The following NCALD variants were observed in gnomAD, a reference collection of about 807,000 sequenced individuals.
NCALD encodes the protein neurocalcin-delta.
Under a neutral mutation model 18.6 loss-of-function variants are expected in NCALD, and 10 were observed. The observed-to-expected ratio is 0.54, with a 90% CI of 0.33 to 0.91. The LOEUF is 0.91. Ranked by LOEUF, NCALD falls within the 40% of genes least tolerant of loss-of-function variation. The pLI is 0.03. For missense variants in NCALD, 184 were observed against 247.6 expected, an observed-to-expected ratio of 0.74 and a Z score of 1.72; for synonymous variants, 88 against 87.4, an observed-to-expected ratio of 1.01 and a Z score of -0.04.
chr8:102,015,504 C>T (rs963509023), intron 2 of NCALD, among the ~76,000 whole-genome samples: 7 of 152,104 alleles, frequency 4.6e-5, no homozygotes, highest in African/African-American at 1.7e-4. Context: ...GTATTTACAA[C>T]CAAAATTTTC....
chr8:102,006,064 G>A (rs1821699833), intron 2 of NCALD, among the ~76,000 whole-genome samples: 1 of 151,020 alleles, frequency 6.6e-6, no homozygotes, highest in Admixed American at 6.6e-5. Flanking sequence ...TAACAAAATG[G>A]AAAAAAAAGC....
chr8:102,062,527 C>T (rs116232387), intron 1 of NCALD, among the ~76,000 whole-genome samples: 1 of 152,192 alleles, frequency 6.6e-6, no homozygotes, highest in Non-Finnish European at 1.5e-5. Context: ...TGCTCACATG[C>T]TCCAGGGTGC....
intron 2 of NCALD, among the ~76,000 whole-genome samples, chr8:101,992,388 A>G (rs1563518122): frequency 6.6e-6 from 1 of 152,234 alleles, no homozygotes. Flanking sequence ...AAAAATATAA[A>G]TGCTTCTAAG....
At chr8:101,924,747 C>T (rs1818279905) in intron 2 of NCALD, among the ~76,000 whole-genome samples, 1 of 152,174 alleles carries the variant, frequency 6.6e-6, no homozygotes, top group South Asian at 2.1e-4. Flanking sequence ...GCATGCAATC[C>T]ACACTGCTCC....
intron 2 of NCALD, among the ~76,000 whole-genome samples, chr8:101,991,446 T>C (rs1586883957): frequency 6.6e-6 from 1 of 152,204 alleles, no homozygotes; most frequent in East Asian, 1.9e-4. Context: ...TGAAAAACTT[T>C]CTTATTTTGG....
intron 4 of NCALD, among the ~76,000 whole-genome samples, chr8:101,863,993 A>T (rs1460732567): frequency 1.3e-5 from 2 of 152,132 alleles, no homozygotes; most frequent in East Asian, 3.8e-4. Flanking sequence ...GATTTTTTAA[A>T]TCTCCCCATG....
intron 3 of NCALD, among the ~76,000 whole-genome samples, chr8:101,902,286 TTTTTTA>T (rs748208868): frequency 0.13 from 10,507 of 82,832 alleles, 849 homozygotes; most frequent in African/African-American, 0.44. Context: ...TTTTTTTTTT[TTTTTTA>T]ACTTCATTTT....
At chr8:102,093,167 A>C (rs913776610) in intron 1 of NCALD, among the ~76,000 whole-genome samples, 7 of 152,098 alleles carry the variant, frequency 4.6e-5, no homozygotes, top group African/African-American at 1.4e-4. Context: ...TCCAAACAAA[A>C]AAAAAAAAGT....
chr8:101,896,701 T>C (rs1401818684), intron 3 of NCALD, among the ~76,000 whole-genome samples: 6,613 of 142,000 alleles, frequency 0.047, 335 homozygotes, highest in African/African-American at 0.14. Context: ...AAAAAGTGGG[T>C]GAAGGACATG....
At position 102,062,745 on chromosome 8, in the gene NCALD, A is replaced by T. The variant is rs374575568; in HGVS notation, c.-209-42456T>A. 1.1e-4 allele frequency among the ~76,000 whole-genome samples: 16 copies of T among 152,330 alleles called. 1 individual carries two copies. In the East Asian group the frequency reaches 2.9e-3, roughly 28 times the overall value. On this transcript the variant is annotated intron_variant, in intron 1 of 6. Coordinates refer to the NCALD transcript ENST00000311028. ...TCTTTGAACCAACAGCATTTGAAAC[A>T]TGATCTTCTCCTAGAGAAAGAGAGG...
chr8:101,764,228 A>G (rs377289372), intron 1 of NCALD, among the ~76,000 whole-genome samples: 9 of 152,176 alleles, frequency 5.9e-5, no homozygotes, highest in African/African-American at 1.9e-4. Flanking sequence ...CAGTATTGAT[A>G]GGAAAGAGGA....
At chr8:101,751,417 G>A (rs1267432182) in intron 1 of NCALD, among the ~76,000 whole-genome samples, 2 of 152,082 alleles carry the variant, frequency 1.3e-5, no homozygotes, top group African/African-American at 4.8e-5. Context: ...AAAAAGTTCT[G>A]GAAATGGGTA....
chr8:102,048,234 C>T (rs1823316716), intron 1 of NCALD, among the ~76,000 whole-genome samples: 1 of 152,200 alleles, frequency 6.6e-6, no homozygotes, highest in Non-Finnish European at 1.5e-5. Flanking sequence ...TACGGGATTG[C>T]TCAAGTAATT....
At chr8:101,870,353 G>A (rs979747761) in intron 4 of NCALD, among the ~76,000 whole-genome samples, 2 of 152,156 alleles carry the variant, frequency 1.3e-5, no homozygotes, top group Admixed American at 6.5e-5. Context: ...TATCTTAGGG[G>A]ATTCTGTTAA....
At chr8:101,709,010 C>A (rs1315612733) in intron 2 of NCALD, among the ~76,000 whole-genome samples, 1 of 152,150 alleles carries the variant, frequency 6.6e-6, no homozygotes, top group Non-Finnish European at 1.5e-5. Context: ...AGGTTCTTGG[C>A]ATCTTAAACA....
chr8:102,027,697 A>C (rs1011728880), intron 1 of NCALD, among the ~76,000 whole-genome samples: 5 of 152,140 alleles, frequency 3.3e-5, no homozygotes, highest in Non-Finnish European at 2.9e-5. Flanking sequence ...GTTGATTCTC[A>C]TGGTGCTGTA....
intron 4 of NCALD, among the ~76,000 whole-genome samples, chr8:101,799,879 T>C (rs1812777165): frequency 1.3e-5 from 2 of 152,198 alleles, no homozygotes; most frequent in Admixed American, 1.3e-4. Context: ...ATCCTGATTG[T>C]AATTTTGCAC....
chr8:101,839,758 T>C (rs916079343), intron 4 of NCALD, among the ~76,000 whole-genome samples: 1 of 152,098 alleles, frequency 6.6e-6, no homozygotes, highest in Admixed American at 6.6e-5. Context: ...GGAGGTGGTT[T>C]TGCCTTCCTT....
intron 1 of NCALD, among the ~76,000 whole-genome samples, chr8:101,767,787 A>T (rs1444503149): frequency 1.3e-5 from 2 of 152,212 alleles, no homozygotes; most frequent in Non-Finnish European, 2.9e-5. Context: ...TGTCAGCCTC[A>T]TGGATTAACT....
Sources: allele counts gnomAD v4.1 joint callset (sites outside exome capture counted in the v4.1 genomes callset), GRCh38; gene constraint gnomAD v4.1.1; transcripts MANE v1.5; gene names NCBI Gene and HGNC (gene_info 2026-07-23, HGNC 2026-07-21).